Variants in PLCB2 observed in about 807,000 individuals in gnomAD.
PLCB2 encodes 1-phosphatidylinositol 4,5-bisphosphate phosphodiesterase beta-2.
A neutral mutation model predicts 141.7 loss-of-function variants in PLCB2; 115 were observed. The observed-to-expected ratio is 0.81, with a 90% CI of 0.70 to 0.95. PLCB2 has a LOEUF of 0.95. PLCB2 is among the 40% of genes least tolerant of loss of function. PLCB2 has a pLI of 0.00. For missense variants in PLCB2, 1,403 were observed against 1,541.1 expected (o/e 0.91, Z 1.50); for synonymous variants, 603 against 595.6 (o/e 1.01, Z -0.18).
rs773694428 is a variant in PLCB2 at position 40,297,843 on chromosome 15, G to C, written c.1238+34C>G. 7 of 1,540,148 alleles carry C rather than the reference G, an allele frequency of 4.5e-6. No individual in the cohort carries two copies. Among genetic ancestry groups the C allele is most frequent in the Admixed American group, 1.7e-5 (1 of 59,796 alleles). The stretch of plus-strand genomic sequence containing the variant: ...TTGCAGACAGGAGACTGGGGGCTGG[G>C]TGAGAATGTGGCTGAATGGGCCTGG... On this transcript the variant is annotated intron_variant, in intron 12 of 31. Transcript: ENST00000260402. The surrounding 1 kb of genome is among the most constrained non-coding windows in gnomAD (Gnocchi z 4.2).
rs2141105805 is a variant in PLCB2 at position 40,296,873 on chromosome 15, A to G, written c.1359T>C (p.Asp453=). 5.6e-6 allele frequency: 9 copies of G among 1,614,006 alleles called. No individual in the cohort carries two copies. Among genetic ancestry groups the G allele is most frequent in the Non-Finnish European group, 7.6e-6 (9 of 1,179,956 alleles). Residue 453 remains aspartate (D), a synonymous_variant, in exon 14 of 32, where the codon GAT becomes GAC. Transcript: ENST00000260402. ...TCTTGATGAGGATCTTGCCCCTGAG[A>G]TCCTCAGGGCTGGGCAGGGGGACAC... The part of the protein sequence containing the change: ...KPGVPLPSPE[D]LRGKILIKNK...
chr15:40,298,532 G>A (rs2040349964), intron 10 of PLCB2, 30 bp downstream of exon 10: 12 of 1,613,910 alleles, frequency 7.4e-6, no homozygotes, highest in Non-Finnish European at 1.0e-5. Flanking sequence ...TGTGAAAGCA[G>A]AGGTTGGCAC....
In PLCB2 at chr15:40,293,710, C is replaced by T. The variant is rs1486573860; in HGVS notation, c.2076G>A (p.Gln692=). The T allele has an allele frequency of 2.5e-5, 41 of 1,612,388 alleles. No individual in the cohort carries two copies. Among genetic ancestry groups the T allele is most frequent in the Non-Finnish European group, 3.5e-5 (41 of 1,178,794 alleles). Residue 692 remains glutamine, a synonymous_variant, in exon 20 of 32, where the codon CAG becomes CAA. Coordinates refer to ENST00000260402, the MANE Select transcript of PLCB2 (RefSeq NM_004573.3). ...TTLSITVISG[Q]FLSERSVRTY... is the part of the protein sequence containing the mutation. ...TGCGCACGCTGCGTTCTGACAGGAA[C>T]TGCCCAGAGATCACCTGGGGGTAGG...
At position 40,297,449 on chromosome 15, in the gene PLCB2, C is replaced by A; in HGVS notation, c.1323+72G>T. 1 of 1,169,038 alleles carries A rather than the reference C, an allele frequency of 8.6e-7. No individual in the cohort carries two copies. Among genetic ancestry groups the A allele is most frequent in the South Asian group, 1.2e-5 (1 of 81,616 alleles). The allele number at this position is 1,169,038 out of a possible 1,614,324, so 72.4% of individuals were successfully genotyped here. On this transcript the variant is annotated intron_variant, in intron 13 of 31. Coordinates refer to ENST00000260402, the MANE Select transcript of PLCB2 (RefSeq NM_004573.3). The surrounding 1 kb of genome is among the most constrained non-coding windows in gnomAD (Gnocchi z 4.2). ...GCATCCTCTGGGAGTGTCTCCCTCC[C>A]TAACCTGGTTCTCACCCTGCCCCAG... is the stretch of plus-strand genomic sequence containing the variant.
intron 19 of PLCB2, 92 bp from the exon 20 acceptor site, chr15:40,293,816 A>G (rs2040056979): frequency 2.3e-6 from 3 of 1,318,378 alleles, no homozygotes; most frequent in Non-Finnish European, 3.2e-6. Flanking sequence ...GAGCTGAAGC[A>G]TTCGTTCTTG....
rs774322384 is a variant in PLCB2, at chr15:40,291,260, C to G, written c.2870+5G>C. 6 of 1,570,238 alleles carry G rather than the reference C, an allele frequency of 3.8e-6. No homozygotes were observed. The highest frequency in any genetic ancestry group is 5.1e-6 in the Non-Finnish European group (6 of 1,166,574). ...CAGAGGGCAGGGCACCGCCACGAGC[C>G]TTACCTCTTCTTGCGAGAGCCCTTG... On this transcript the variant is annotated splice_donor_5th_base_variant and intron_variant, in intron 26 of 31. Coordinates refer to ENST00000260402, the MANE Select transcript of PLCB2 (RefSeq NM_004573.3).
In PLCB2 at chr15:40,307,803, A is replaced by C. The variant is rs1381956992; in HGVS notation, c.-131T>G. 1 of 681,248 alleles carries C rather than the reference A, an allele frequency of 1.5e-6. No individual in the cohort carries two copies. Among genetic ancestry groups the C allele is most frequent in the African/African-American group, 1.8e-5 (1 of 54,416 alleles). The allele number at this position is 681,248 out of a possible 1,614,324, so 42.2% of individuals were successfully genotyped here. A position where few individuals can be genotyped will look rare whatever the true frequency, so the allele number is the denominator to read the frequency against. On this transcript the variant is annotated 5_prime_UTR_variant, in exon 1 of 32. An upstream open reading frame in the 5' UTR loses its in-frame stop. Transcript: ENST00000260402. ...CATCCCCGAGCTGCTCCAGAAATCT[A>C]GTTGCTCTTATAGCCCCTGGGGTGG...
At chr15:40,293,766 C>G in intron 19 of PLCB2, 42 bp from the exon 20 acceptor site, 1 of 1,592,630 alleles carries the variant, frequency 6.3e-7, no homozygotes, top group Non-Finnish European at 8.6e-7. Context: ...AAATCCCCAC[C>G]CAGGCTCTTC....
intron 2 of PLCB2, 110 bp downstream of exon 2, chr15:40,303,891 C>A (rs1327342225): frequency 2.7e-6 from 2 of 740,128 alleles, no homozygotes; most frequent in South Asian, 1.7e-5. Flanking sequence ...CCCTTCCAGG[C>A]CATTCTGTAC....
At chr15:40,302,069 A>C in intron 6 of PLCB2, 37 bp from the exon 7 acceptor site, 1 of 1,613,630 alleles carries the variant, frequency 6.2e-7, no homozygotes, top group Non-Finnish European at 8.5e-7. Flanking sequence ...TACAGAGAGG[A>C]GTCAGGCCTG....
intron 16 of PLCB2, 65 bp from the exon 17 acceptor site, chr15:40,295,350 C>A (rs2040151671): frequency 1.8e-6 from 2 of 1,136,190 alleles, no homozygotes; most frequent in Admixed American, 3.4e-5. Flanking sequence ...GTCTTGGCCT[C>A]CCCTTTGGGG....
intron 21 of PLCB2, 66 bp from the exon 22 acceptor site, chr15:40,292,509 CCTAG>C: frequency 8.9e-7 from 1 of 1,125,650 alleles, no homozygotes; most frequent in Non-Finnish European, 1.3e-6. Flanking sequence ...GCACACACAG[CCTAG>C]GACCCAAGGG....
rs955546618 is a variant in PLCB2 at position 40,297,164 on chromosome 15, G to T, written c.1324-256C>A. ...CATCTGCACCAGGAGGACCTAACAG[G>T]CTACTCTAGGAGCCCTGTCCATCAC... On this transcript the variant is annotated intron_variant, in intron 13 of 31. Coordinates refer to ENST00000260402, the MANE Select transcript of PLCB2 (RefSeq NM_004573.3). The surrounding 1 kb of genome is among the most constrained non-coding windows in gnomAD (Gnocchi z 4.2). Among the ~76,000 whole-genome samples the T allele has an allele frequency of 6.6e-6, 1 of 151,918 alleles. No individual in the cohort carries two copies. Among genetic ancestry groups the T allele is most frequent in the Non-Finnish European group, 1.5e-5 (1 of 67,968 alleles).
At chr15:40,306,032 C>T (rs1174014130) in intron 1 of PLCB2, among the ~76,000 whole-genome samples, 1 of 152,184 alleles carries the variant, frequency 6.6e-6, no homozygotes, top group Admixed American at 6.5e-5. Flanking sequence ...ACTGTGTTAC[C>T]TGAGAGTAAA....
intron 8 of PLCB2, 76 bp from the exon 9 acceptor site, chr15:40,299,040 G>A (rs999645279): frequency 6.3e-7 from 1 of 1,576,100 alleles, no homozygotes; most frequent in Admixed American, 1.7e-5. Context: ...GTCCAGTGAA[G>A]CCTCCTGACT....
rs2039662396 is a variant in PLCB2, at chr15:40,288,305, G to A, written c.*410C>T. On this transcript the variant is annotated 3_prime_UTR_variant, in exon 32 of 32. Coordinates refer to ENST00000260402, the MANE Select transcript of PLCB2 (RefSeq NM_004573.3). ...GGGGCCTGGAAGCCTGGGGCAGGAG[G>A]GTTCGGGGCTAGAGTGGAGGTGAGT... 4.0e-6 allele frequency: 4 copies of A among 994,388 alleles called. No individual in the cohort carries two copies. The highest frequency in any genetic ancestry group is 4.8e-6 in the Non-Finnish European group (4 of 836,142). 61.6% of individuals were successfully genotyped at this position (994,388 alleles called of 1,614,324 possible). A position where few individuals can be genotyped will look rare whatever the true frequency, so the allele number is the denominator to read the frequency against.
In PLCB2 at chr15:40,289,968, A is replaced by AGAGAGAGAGT. The variant is rs1264563556; in HGVS notation, c.3267+56_3267+57insACTCTCTCTC. The AGAGAGAGAGT allele has an allele frequency of 3.6e-4, 187 of 525,084 alleles. No individual in the cohort carries two copies. In the African/African-American group the frequency reaches 4.1e-3, roughly 12 times the overall value. The allele number at this position is 525,084 out of a possible 1,614,324, so 32.5% of individuals were successfully genotyped here. On this transcript the variant is annotated intron_variant, in intron 30 of 31. Coordinates refer to ENST00000260402, the MANE Select transcript of PLCB2 (RefSeq NM_004573.3). Reference sequence around the variant, plus strand: ...GAGAGAGAGAGAGAGAGAGAGAGAGAGTGTGTGTGTGTGTGTGTGTGTGTG... The same window carrying AGAGAGAGAGT: ...GAGAGAGAGAGAGAGAGAGAGAGAGAGAGAGAGAGTGTGTGTGTGTGTGTGTGTGTGTGTG...
chr15:40,293,019 T>C lies in PLCB2; in HGVS notation c.2233A>G (p.Met745Val). ...ACTCTGAGGGAGGCCAGCTCAGGCA[T>C]CAAGATCTGGGGAGAGTTGGGGACA... ...EEPFVFEKILMPELASLRVAV... is the reference protein window; with the variant it reads ...EEPFVFEKILVPELASLRVAV... The change falls in exon 21 of 32, where the codon ATG (methionine) becomes GTG (valine). Residue 745 changes from methionine (M) to valine (V), a missense_variant. Physicochemically the swap from Met to Val is conservative, Grantham distance 21 (BLOSUM62 1). Around this residue, in one of 4 missense-constraint regions of PLCB2, gnomAD observed 975 missense variants for 1,141.1 expected, o/e 0.85. Coordinates refer to ENST00000260402, the MANE Select transcript of PLCB2 (RefSeq NM_004573.3). The C allele has an allele frequency of 6.3e-7, 1 of 1,595,714 alleles. No individual in the cohort carries two copies. Among genetic ancestry groups the C allele is most frequent in the Non-Finnish European group, 8.5e-7 (1 of 1,169,878 alleles).
chr15:40,294,523 T>A, intron 18 of PLCB2, 103 bp from the exon 19 acceptor site: 1 of 1,243,302 alleles, frequency 8.0e-7, no homozygotes, highest in South Asian at 1.3e-5. Flanking sequence ...AATGGGGAGG[T>A]TGGGTGGACC....
Sources: gnomAD v4.1 joint callset for allele counts (sites outside exome capture counted in the v4.1 genomes callset) on GRCh38, gnomAD v4.1.1 for gene constraint, gnomAD v4.1.1 regional missense constraint, Gnocchi (gnomAD v3.1) non-coding constraint, MANE v1.5 for transcripts, NCBI Gene and HGNC (gene_info 2026-07-23, HGNC 2026-07-21) for gene names.